Variants in CD200 observed in about 807,000 individuals in gnomAD.
The protein encoded by CD200 is CD200 molecule, also known as OX-2 membrane glycoprotein.
In CD200, 15 loss-of-function variants were observed where a neutral mutation model predicts 30.9. The ratio of observed to expected loss-of-function variants is 0.49; its 90% confidence interval spans 0.32 to 0.75. CD200 has a LOEUF of 0.75. Ranked by LOEUF, CD200 falls within the 30% of genes least tolerant of loss-of-function variation. CD200 has a pLI of 0.03. For synonymous variants in CD200, 134 were observed against 126.2 expected (o/e 1.06, Z -0.41); for missense variants, 262 against 324.2 (o/e 0.81, Z 1.47).
intron 5 of CD200, among the ~76,000 whole-genome samples, chr3:112,350,126 G>T (rs1434408057): frequency 1.3e-5 from 2 of 152,184 alleles, no homozygotes; most frequent in Non-Finnish European, 2.9e-5. Context: ...ACTCATTAAT[G>T]AGAAGGACAA....
chr3:112,342,428 TC>T (rs1163595755), intron 2 of CD200, among the ~76,000 whole-genome samples: 4 of 93,768 alleles, frequency 4.3e-5, no homozygotes, highest in Non-Finnish European at 8.9e-5. Context: ...TTTCTTTCTT[TC>T]TTCTCTCTCT....
At chr3:112,348,608 G>A (rs1238104743) in intron 4 of CD200, among the ~76,000 whole-genome samples, 2 of 152,178 alleles carry the variant, frequency 1.3e-5, no homozygotes, top group East Asian at 3.9e-4. Flanking sequence ...TCTTGATGAA[G>A]CAGTCAGTAA....
chr3:112,337,177 T>C (rs1219474604), intron 1 of CD200, among the ~76,000 whole-genome samples: 6 of 152,026 alleles, frequency 3.9e-5, no homozygotes. Context: ...TCAGACAAGA[T>C]CTGGAAGCTG....
At chr3:112,347,494 G>T (rs1330182981) in intron 3 of CD200, 64 bp from the exon 4 acceptor site, 11 of 1,483,612 alleles carry the variant, frequency 7.4e-6, no homozygotes, top group Non-Finnish European at 9.4e-6. Context: ...ATCTCTCTGA[G>T]GAGACTGCAG....
chr3:112,359,883 G>C (rs2081703818), intron 5 of CD200, among the ~76,000 whole-genome samples: 1 of 152,122 alleles, frequency 6.6e-6, no homozygotes, highest in Non-Finnish European at 1.5e-5. Context: ...AAGGATACCA[G>C]TTACTTGGAT....
intron 2 of CD200, among the ~76,000 whole-genome samples, chr3:112,344,408 AG>A (rs1250463799): frequency 6.6e-5 from 10 of 152,232 alleles, no homozygotes; most frequent in Admixed American, 6.5e-4. Flanking sequence ...AAGATCCTCC[AG>A]AACATTGTCC....
At chr3:112,339,593 AAAT>A (rs2081192868) in intron 1 of CD200, among the ~76,000 whole-genome samples, 1 of 152,258 alleles carries the variant, frequency 6.6e-6, no homozygotes, top group South Asian at 2.1e-4. Context: ...TCCAAGAAAA[AAAT>A]AATACCTGTG....
intron 1 of CD200, among the ~76,000 whole-genome samples, chr3:112,340,631 T>C (rs1468446193): frequency 6.6e-6 from 1 of 152,216 alleles, no homozygotes; most frequent in Non-Finnish European, 1.5e-5. Flanking sequence ...GAGACCTCGC[T>C]CTTGACAATG....
At chr3:112,358,149 A>G (rs945924757) in intron 5 of CD200, among the ~76,000 whole-genome samples, 3 of 152,184 alleles carry the variant, frequency 2.0e-5, no homozygotes, top group Non-Finnish European at 4.4e-5. Flanking sequence ...GCCAATTTAC[A>G]TAACATGCAG....
chr3:112,337,891 C>T (rs1210118188), intron 1 of CD200, among the ~76,000 whole-genome samples: 1 of 151,980 alleles, frequency 6.6e-6, no homozygotes, highest in Admixed American at 6.5e-5. Context: ...CATATCCTCC[C>T]ATATATATAA....
At chr3:112,333,715 C>A (rs1489535232) in intron 1 of CD200, 1 of 985,314 alleles carries the variant, frequency 1.0e-6, no homozygotes, top group Non-Finnish European at 1.2e-6. Flanking sequence ...AGAGCTCCTG[C>A]GTCTCCTCTT....
rs1250348671 is a variant in CD200, at chr3:112,342,415, T to C, written c.94+1432T>C. ...TTTCTTTCTTTCTTTCTTTCTTTCTTTCTTTCTTTCTTTCTTCTCTCTCTT... is the reference window on the plus strand; with the variant it reads ...TTTCTTTCTTTCTTTCTTTCTTTCTCTCTTTCTTTCTTTCTTCTCTCTCTT... On this transcript the variant is annotated intron_variant, in intron 2 of 5. Transcript: ENST00000315711. Among the ~76,000 whole-genome samples the C allele has an allele frequency of 2.1e-4, 17 of 81,560 alleles. 1 individual carries two copies. Among genetic ancestry groups the C allele is most frequent in the African/African-American group, 5.1e-4 (11 of 21,678 alleles). 53.5% of individuals were successfully genotyped at this position (81,560 alleles called of 152,430 possible).
chr3:112,335,900 T>C, intron 1 of CD200: 1 of 1,388,450 alleles, frequency 7.2e-7, no homozygotes, highest in Non-Finnish European at 1.0e-6. Flanking sequence ...GCTGAGACAA[T>C]ATTGGCTCTA....
chr3:112,343,664 G>C (rs2081319780), intron 2 of CD200, among the ~76,000 whole-genome samples: 2 of 151,860 alleles, frequency 1.3e-5, no homozygotes, highest in Non-Finnish European at 2.9e-5. Flanking sequence ...ATATTAAATT[G>C]AAGGTTCTCG....
chr3:112,348,079 T>C (rs535250527), intron 4 of CD200, among the ~76,000 whole-genome samples: 1 of 152,244 alleles, frequency 6.6e-6, no homozygotes. Flanking sequence ...TATTTATTTC[T>C]TCCACTCTAC....
At chr3:112,334,620 A>G (rs1407887069) in intron 1 of CD200, among the ~76,000 whole-genome samples, 1 of 152,082 alleles carries the variant, frequency 6.6e-6, no homozygotes, top group Non-Finnish European at 1.5e-5. Context: ...GGAGTCTCAG[A>G]GAGGTAAAAT....
chr3:112,357,223 T>G (rs2081641534), intron 5 of CD200, among the ~76,000 whole-genome samples: 1 of 137,766 alleles, frequency 7.3e-6, no homozygotes, highest in Admixed American at 8.2e-5. Context: ...ATCGCGCCAC[T>G]GCACTCCAGC....
intron 5 of CD200, among the ~76,000 whole-genome samples, chr3:112,352,705 T>G (rs2081556911): frequency 1.3e-5 from 2 of 152,210 alleles, no homozygotes; most frequent in Admixed American, 1.3e-4. Flanking sequence ...GTAAGTCTGT[T>G]AAGTAAGGTC....
At chr3:112,353,686 C>A (rs1270709461) in intron 5 of CD200, among the ~76,000 whole-genome samples, 2 of 152,126 alleles carry the variant, frequency 1.3e-5, no homozygotes, top group African/African-American at 4.8e-5. Flanking sequence ...CAAAAAATAT[C>A]TGTTCACCCC....
Sources: gnomAD v4.1 joint callset for allele counts (sites outside exome capture counted in the v4.1 genomes callset) on GRCh38, gnomAD v4.1.1 for gene constraint, MANE v1.5 for transcripts, NCBI Gene and HGNC (gene_info 2026-07-23, HGNC 2026-07-21) for gene names.